The following ZNF407 variants were observed in gnomAD, a reference collection of about 807,000 sequenced individuals.
The protein encoded by ZNF407 is zinc finger protein 407.
In ZNF407, 17 loss-of-function variants were observed where a neutral mutation model predicts 131.2. The ratio of observed to expected loss-of-function variants is 0.13; its 90% CI spans 0.09 to 0.19. ZNF407 has a LOEUF of 0.19. Among genes scored for constraint, ZNF407 ranks in the 10% least tolerant of loss-of-function variants. ZNF407 has a pLI of 1.00. For missense variants in ZNF407, 2,681 were observed against 2,830.6 expected (o/e 0.95, Z 1.20); for synonymous variants, 1,156 against 1,062.0 (o/e 1.09, Z -1.72).
intron 3 of ZNF407, among the ~76,000 whole-genome samples, chr18:74,642,187 T>G (rs1192157446): frequency 6.6e-6 from 1 of 152,198 alleles, no homozygotes; most frequent in Non-Finnish European, 1.5e-5. Flanking sequence ...AGCACTTTTA[T>G]GAACCATGGT....
intron 3 of ZNF407, among the ~76,000 whole-genome samples, chr18:74,767,692 T>A (rs1469463841): frequency 7.2e-6 from 1 of 139,018 alleles, no homozygotes; most frequent in African/African-American, 2.6e-5. Flanking sequence ...CTCGCTCTGT[T>A]GCCCAGGCTG....
intron 3 of ZNF407, among the ~76,000 whole-genome samples, chr18:74,707,602 T>C (rs1020326318): frequency 6.6e-6 from 1 of 152,230 alleles, no homozygotes; most frequent in African/African-American, 2.4e-5. Flanking sequence ...GGATTAGAGA[T>C]GCTCAGCTTG....
At chr18:74,783,374 A>G (rs1290350609) in intron 4 of ZNF407, among the ~76,000 whole-genome samples, 1 of 152,170 alleles carries the variant, frequency 6.6e-6, no homozygotes, top group African/African-American at 2.4e-5. Flanking sequence ...ATTTAACTAC[A>G]TCATTTTGGT....
At chr18:74,828,352 G>A (rs772244409) in intron 4 of ZNF407, among the ~76,000 whole-genome samples, 2 of 152,126 alleles carry the variant, frequency 1.3e-5, no homozygotes, top group Non-Finnish European at 2.9e-5. Flanking sequence ...TTTCACTGCC[G>A]GGCTTTTTCT....
At chr18:75,031,110 C>G (rs1241482320) in intron 8 of ZNF407, among the ~76,000 whole-genome samples, 1 of 152,214 alleles carries the variant, frequency 6.6e-6, no homozygotes, top group Non-Finnish European at 1.5e-5. Context: ...TGCAAGACCT[C>G]ACACTCATGT....
At chr18:74,748,169 G>A (rs932988531) in intron 3 of ZNF407, among the ~76,000 whole-genome samples, 5 of 152,050 alleles carry the variant, frequency 3.3e-5, no homozygotes, top group African/African-American at 1.2e-4. Flanking sequence ...AAGCTCTTGT[G>A]ATTAGGCATG....
At chr18:74,826,952 A>G (rs138527785) in intron 4 of ZNF407, among the ~76,000 whole-genome samples, 86 of 152,352 alleles carry the variant, frequency 5.6e-4, no homozygotes, top group African/African-American at 2.0e-3. Context: ...AACATCATAC[A>G]AGGAATTTCT....
chr18:74,599,658 G>A (rs1376724420), intron 1 of ZNF407, among the ~76,000 whole-genome samples: 12 of 152,104 alleles, frequency 7.9e-5, no homozygotes, highest in Admixed American at 2.0e-4. Flanking sequence ...AGGACTAGTG[G>A]GTATTCACCT....
intron 3 of ZNF407, among the ~76,000 whole-genome samples, chr18:74,729,917 G>T (rs1440359361): frequency 6.6e-6 from 1 of 152,192 alleles, no homozygotes; most frequent in African/African-American, 2.4e-5. Flanking sequence ...TGGCAGTGAT[G>T]CATTATATAG....
chr18:74,754,626 C>T lies in ZNF407; in HGVS notation c.4803-26802C>T, dbSNP rs1417055209. Among the ~76,000 whole-genome samples, 5 of 152,282 alleles carry T rather than the reference C, an allele frequency of 3.3e-5. No homozygotes were observed. The East Asian group carries it at 9.6e-4, about 29-fold the overall frequency. On this transcript the variant is annotated intron_variant, in intron 3 of 8. Transcript: ENST00000299687. ...TATGTACCCAGTAGTCATTCAGGAG[C>T]AGGTTGTTCAGTTTCCATGTAGTTG...
Position 74,633,550 on chromosome 18 carries a change from C to T in ZNF407, c.2531C>T (p.Pro844Leu), listed in dbSNP as rs1218481598. The T allele has an allele frequency of 6.2e-7, 1 of 1,613,934 alleles. No individual in the cohort carries two copies. Among genetic ancestry groups the T allele is most frequent in the African/African-American group, 1.3e-5 (1 of 75,006 alleles). ...ACCACTACTCCAAAGAGAGGGAGAC[C>T]TAAAGGTAACATCTCACGGACGTGT... ...ASTTTPKRGR[P>L]KGNISRTCSH... The change falls in exon 2 of 9, where the codon CCT becomes CTT. Residue 844 changes from proline (P) to leucine (L), a missense_variant. Physicochemically the swap from Pro to Leu is moderately conservative, Grantham distance 98 (BLOSUM62 -3). Around this residue, in one of 6 missense-constraint regions of ZNF407, gnomAD observed 1,789 missense variants for 1,748.7 expected, o/e 1.02. Coordinates refer to ENST00000299687, the MANE Select transcript of ZNF407 (RefSeq NM_017757.3).
intron 1 of ZNF407, among the ~76,000 whole-genome samples, chr18:74,607,201 G>A (rs1385758901): frequency 2.0e-5 from 3 of 152,172 alleles, no homozygotes; most frequent in African/African-American, 7.2e-5. Flanking sequence ...GAGGGTTTGG[G>A]CATCAACCAG....
intron 4 of ZNF407, among the ~76,000 whole-genome samples, chr18:74,783,999 A>G (rs143231013): frequency 1.3e-3 from 204 of 152,320 alleles, no homozygotes; most frequent in Admixed American, 2.7e-3. Flanking sequence ...CAAGATTTCA[A>G]TGGTATAATC....
At chr18:74,726,647 T>A (rs1172097289) in intron 3 of ZNF407, among the ~76,000 whole-genome samples, 1 of 152,262 alleles carries the variant, frequency 6.6e-6, no homozygotes, top group Non-Finnish European at 1.5e-5. Flanking sequence ...TTGTCAATTA[T>A]GGTGTAACCT....
rs192090237 is a variant in ZNF407, at chr18:74,833,006, G to C, written c.4878-44191G>C. ...ATTACTGCTTCCACCTACACTGGTG[G>C]TGTTCCATGATCACGAACACAAGCT... On this transcript the variant is annotated intron_variant, in intron 4 of 8. Coordinates refer to ENST00000299687, the MANE Select transcript of ZNF407 (RefSeq NM_017757.3). 7.2e-5 allele frequency among the ~76,000 whole-genome samples: 11 copies of C among 152,320 alleles called. No individual in the cohort carries two copies. In the East Asian group the frequency reaches 2.1e-3, roughly 29 times the overall value.
chr18:74,756,742 GA>G (rs969780368), intron 3 of ZNF407, among the ~76,000 whole-genome samples: 57 of 4,940 alleles, frequency 0.012, no homozygotes, highest in African/African-American at 0.012. Flanking sequence ...TGTCTTTGTA[GA>G]AGGTTTTTTT....
chr18:74,953,049 C>T (rs563690235), intron 8 of ZNF407, among the ~76,000 whole-genome samples: 2 of 152,208 alleles, frequency 1.3e-5, no homozygotes, highest in East Asian at 3.9e-4. Flanking sequence ...TGACGGAAAG[C>T]CATAGAATGA....
At chr18:75,032,638 G>A (rs1312886329) in intron 8 of ZNF407, among the ~76,000 whole-genome samples, 8 of 152,136 alleles carry the variant, frequency 5.3e-5, no homozygotes, top group Admixed American at 2.0e-4. Flanking sequence ...GGGTGTCCTC[G>A]CCAGGAGGAG....
At chr18:74,944,842 A>C (rs978066662) in intron 8 of ZNF407, among the ~76,000 whole-genome samples, 1 of 152,226 alleles carries the variant, frequency 6.6e-6, no homozygotes, top group African/African-American at 2.4e-5. Context: ...GTGCCACGTC[A>C]CTATTCAAGT....
Sources: allele counts gnomAD v4.1 joint callset (sites outside exome capture counted in the v4.1 genomes callset), GRCh38; gene constraint gnomAD v4.1.1; regional missense constraint gnomAD v4.1.1; transcripts MANE v1.5; gene names NCBI Gene and HGNC (gene_info 2026-07-23, HGNC 2026-07-21).